AGBL1: variants seen among roughly 807,000 people sequenced by gnomAD.
AGBL1 encodes the protein cytosolic carboxypeptidase 4.
Under a neutral mutation model 118.9 loss-of-function variants are expected in AGBL1, and 130 were observed. The observed-to-expected ratio is 1.09, with a 90% CI of 0.95 to 1.26. The LOEUF (loss-of-function observed/expected upper bound fraction) is 1.26. AGBL1 is among the 50% of genes most tolerant of loss of function. AGBL1 has a pLI of 0.00. For missense variants in AGBL1, 1,584 were observed against 1,298.1 expected (o/e 1.22, Z -3.38); for synonymous variants, 555 against 478.9 (o/e 1.16, Z -2.08).
chr15:86,572,340 A>G (rs1302599548), intron 21 of AGBL1, among the ~76,000 whole-genome samples: 1 of 152,072 alleles, frequency 6.6e-6, no homozygotes, highest in Admixed American at 6.5e-5. Context: ...GGCTCCATGG[A>G]GTGTGCAGCC....
chr15:86,080,598 C>G (rs998651149), intron 1 of AGBL1, among the ~76,000 whole-genome samples: 2 of 152,292 alleles, frequency 1.3e-5, no homozygotes, highest in Middle Eastern at 3.4e-3. Flanking sequence ...CTGGGGGATG[C>G]TATTCATTCC....
At chr15:86,223,616 C>G (rs79559208) in intron 5 of AGBL1, among the ~76,000 whole-genome samples, 16 of 152,254 alleles carry the variant, frequency 1.1e-4, no homozygotes, top group Non-Finnish European at 1.8e-4. Flanking sequence ...ATGAAGTAGT[C>G]CATCCATGAA....
chr15:86,824,411 A>G (rs990931804), intron 22 of AGBL1, among the ~76,000 whole-genome samples: 2 of 152,204 alleles, frequency 1.3e-5, no homozygotes, highest in African/African-American at 4.8e-5. Context: ...GATTACAATT[A>G]TAAAATGCTG....
At chr15:86,354,410 C>T (rs1012400242) in intron 17 of AGBL1, among the ~76,000 whole-genome samples, 1 of 152,128 alleles carries the variant, frequency 6.6e-6, no homozygotes, top group Admixed American at 6.5e-5. Flanking sequence ...TACTCATGTT[C>T]GTTAGATTGT....
At chr15:86,772,180 A>G (rs1044298633) in intron 22 of AGBL1, among the ~76,000 whole-genome samples, 2 of 151,934 alleles carry the variant, frequency 1.3e-5, no homozygotes, top group Admixed American at 1.3e-4. Context: ...AGTCTTTGAA[A>G]TTAAATTGGG....
At chr15:86,627,442 T>C (rs574362659) in intron 21 of AGBL1, among the ~76,000 whole-genome samples, 11 of 152,306 alleles carry the variant, frequency 7.2e-5, no homozygotes, top group African/African-American at 2.6e-4. Context: ...GTGTTAGAGA[T>C]ACCAAGGTAC....
chr15:87,019,173 G>C (rs1286501084), intron 24 of AGBL1, among the ~76,000 whole-genome samples: 1 of 152,072 alleles, frequency 6.6e-6, no homozygotes, highest in Non-Finnish European at 1.5e-5. Flanking sequence ...AAAATAGTGG[G>C]TGACTTCAAC....
chr15:86,425,719 G>A (rs2081858544), intron 18 of AGBL1, among the ~76,000 whole-genome samples: 1 of 152,180 alleles, frequency 6.6e-6, no homozygotes, highest in Non-Finnish European at 1.5e-5. Context: ...ACCCCAAGGA[G>A]CTTTCTAAAA....
In AGBL1 at chr15:86,909,745, A is replaced by G. The variant is rs926433063; in HGVS notation, c.*2451A>G. 44 of 152,368 alleles carry G rather than the reference A, an allele frequency of 2.9e-4. No individual in the cohort carries two copies. Among genetic ancestry groups the G allele is most frequent in the African/African-American group, 1.0e-3 (42 of 41,600 alleles). The allele number at this position is 152,368 out of a possible 1,614,324, so 9.4% of individuals were successfully genotyped here. ...TTTGCTTTGAGGATTCAAGAAGATA[A>G]TATTGAAATGTAATTGCTGAGAGAG... On this transcript the variant is annotated 3_prime_UTR_variant, in exon 23 of 23. Coordinates refer to ENST00000614907, the MANE Select transcript of AGBL1 (RefSeq NM_001386094.1).
intron 5 of AGBL1, among the ~76,000 whole-genome samples, chr15:86,161,109 G>A (rs987705654): frequency 1.3e-5 from 2 of 152,324 alleles, no homozygotes; most frequent in African/African-American, 2.4e-5. Flanking sequence ...TTAAGGGAGT[G>A]AGAGTAGGGT....
chr15:86,565,885 G>C (rs1305352960), intron 21 of AGBL1, among the ~76,000 whole-genome samples: 5 of 152,234 alleles, frequency 3.3e-5, no homozygotes, highest in Non-Finnish European at 7.3e-5. Flanking sequence ...TCAGACTGCT[G>C]TGCTAGCAAT....
chr15:86,392,503 C>A (rs1265224212), intron 17 of AGBL1, among the ~76,000 whole-genome samples: 1 of 152,126 alleles, frequency 6.6e-6, no homozygotes, highest in Non-Finnish European at 1.5e-5. Context: ...GAGCAAAAAA[C>A]CATTATTTAT....
At chr15:86,622,161 C>T (rs1336009173) in intron 21 of AGBL1, among the ~76,000 whole-genome samples, 2 of 151,998 alleles carry the variant, frequency 1.3e-5, no homozygotes, top group Non-Finnish European at 2.9e-5. Flanking sequence ...AACGTTGTCT[C>T]TACTAAAAAT....
chr15:87,026,951 A>G (rs932422615), intron 24 of AGBL1, among the ~76,000 whole-genome samples: 2 of 152,044 alleles, frequency 1.3e-5, no homozygotes, highest in Non-Finnish European at 1.5e-5. Flanking sequence ...ATGCAAAAAC[A>G]TAAGAATGAT....
intron 17 of AGBL1, chr15:86,305,052 ACAAC>A (rs1321624573): frequency 1.3e-5 from 2 of 152,198 alleles, no homozygotes; most frequent in Non-Finnish European, 2.9e-5. Flanking sequence ...GAATAAAAAC[ACAAC>A]CAATGTTTCT....
At chr15:86,395,971 G>C (rs1159273641) in intron 17 of AGBL1, among the ~76,000 whole-genome samples, 1 of 151,646 alleles carries the variant, frequency 6.6e-6, no homozygotes, top group Non-Finnish European at 1.5e-5. Context: ...GATTCTGTAT[G>C]AGTAAGATCG....
At chr15:86,295,486 T>C in intron 17 of AGBL1, 78 bp downstream of exon 17, 1 of 1,430,920 alleles carries the variant, frequency 7.0e-7, no homozygotes, top group Non-Finnish European at 9.3e-7. Context: ...TCTGTCTCTT[T>C]TAGATCAAAA....
chr15:86,427,038 T>TTAC (rs1264642633), intron 18 of AGBL1, among the ~76,000 whole-genome samples: 1 of 152,186 alleles, frequency 6.6e-6, no homozygotes. Context: ...AGTGCTGAGA[T>TTAC]TACAGGCATG....
intron 23 of AGBL1, among the ~76,000 whole-genome samples, chr15:86,968,917 A>G (rs1447437578): frequency 6.6e-6 from 1 of 151,830 alleles, no homozygotes; most frequent in African/African-American, 2.4e-5. Flanking sequence ...TTCTTTATAA[A>G]GGCGCTAATT....
Sources: allele counts gnomAD v4.1 joint callset (sites outside exome capture counted in the v4.1 genomes callset), GRCh38; gene constraint gnomAD v4.1.1; transcripts MANE v1.5; gene names NCBI Gene and HGNC (gene_info 2026-07-23, HGNC 2026-07-21).